Variants in TYW3 observed in about 807,000 individuals in gnomAD.
TYW3 encodes the protein tRNA-yW synthesizing protein 3 homolog.
TYW3 carries 26 observed loss-of-function variants against 23.1 expected under a neutral mutation model. The observed-to-expected ratio is 1.13, with a 90% CI of 0.83 to 1.56. TYW3 has a LOEUF of 1.56. TYW3 is among the 40% of genes most tolerant of loss of function. The pLI is 0.00. For synonymous variants in TYW3, 102 were observed against 105.7 expected (o/e 0.97, Z 0.21); for missense variants, 316 against 311.9 (o/e 1.01, Z -0.10).
intron 5 of TYW3, among the ~76,000 whole-genome samples, chr1:74,763,449 G>A (rs4650004): frequency 0.2 from 30,690 of 151,870 alleles, 4,330 homozygotes; most frequent in East Asian, 0.71. Flanking sequence ...TGACAAATAG[G>A]TATATGGATT....
chr1:74,752,178 T>C (rs1187768212), intron 4 of TYW3, 114 bp from the exon 5 acceptor site: 1 of 1,054,470 alleles, frequency 9.5e-7, no homozygotes, highest in African/African-American at 1.6e-5. Flanking sequence ...CTAACTTAAC[T>C]GTTGTAATGG....
chr1:74,737,060 TTTCCTAAGGTAAAGAGTTTAGATGAA>T (rs1310268059), intron 2 of TYW3, among the ~76,000 whole-genome samples: 4 of 152,240 alleles, frequency 2.6e-5, no homozygotes, highest in African/African-American at 7.2e-5. Flanking sequence ...GGTTATTTAG[TTTCCTAAGGTAAAGAGTTTAGATGAA>T]TTCATAAGTT....
chr1:74,752,549 C>T (rs1648822709), intron 5 of TYW3, 124 bp downstream of exon 5: 1 of 830,764 alleles, frequency 1.2e-6, no homozygotes, highest in Non-Finnish European at 1.7e-6. Context: ...TTTAAAAATA[C>T]TTTTATTATC....
At chr1:74,736,773 T>G (rs1488019702) in intron 2 of TYW3, 151 bp downstream of exon 2, 4 of 603,816 alleles carry the variant, frequency 6.6e-6, no homozygotes, top group Non-Finnish European at 8.3e-6. Flanking sequence ...ACAATGGCTC[T>G]TTTTGGGTTG....
At chr1:74,748,509 G>T (rs2345438) in intron 3 of TYW3, 164,843 of 429,714 alleles carry the variant, frequency 0.38, 37,132 homozygotes, top group Non-Finnish European at 0.48. Context: ...CACTGTTTGT[G>T]ATTGAATTCT....
chr1:74,756,566 G>T (rs1014372577), intron 5 of TYW3, among the ~76,000 whole-genome samples: 1 of 152,204 alleles, frequency 6.6e-6, no homozygotes, highest in African/African-American at 2.4e-5. Context: ...AAGCAGCAAA[G>T]CATTCAAGAG....
intron 3 of TYW3, among the ~76,000 whole-genome samples, chr1:74,739,184 A>G (rs1648263595): frequency 6.6e-6 from 1 of 152,048 alleles, no homozygotes; most frequent in East Asian, 1.9e-4. Flanking sequence ...TTTAGTCTTG[A>G]TTCTCCTTTT....
In TYW3 at chr1:74,735,497, T is replaced by G. The variant is rs1338985261; in HGVS notation, c.175-1045T>G. Among the ~76,000 whole-genome samples the G allele has an allele frequency of 2.0e-5, 3 of 152,348 alleles. No homozygotes were observed. In the East Asian group the frequency reaches 5.8e-4, roughly 29 times the overall value. On this transcript the variant is annotated intron_variant, in intron 1 of 5. Transcript: ENST00000370867. The stretch of plus-strand genomic sequence containing the variant: ...CTTATCTTACACCTCGTATTATGGT[T>G]TATTTTAAAATCTGCCTTATTTCAG...
At chr1:74,736,718 A>C in intron 2 of TYW3, 96 bp downstream of exon 2, 7 of 969,848 alleles carry the variant, frequency 7.2e-6, no homozygotes, top group Non-Finnish European at 1.1e-5. Context: ...ATTTATATGC[A>C]GAGTTATAAT....
At chr1:74,740,666 G>A (rs577067236) in intron 3 of TYW3, among the ~76,000 whole-genome samples, 87 of 152,186 alleles carry the variant, frequency 5.7e-4, no homozygotes, top group Non-Finnish European at 9.9e-4. Context: ...GCTAGACACA[G>A]AGCGCTGATT....
chr1:74,751,787 A>C (rs1046050833), intron 4 of TYW3, among the ~76,000 whole-genome samples: 9 of 152,162 alleles, frequency 5.9e-5, no homozygotes, highest in Non-Finnish European at 1.3e-4. Flanking sequence ...GAACATGTTG[A>C]CTATTTCATC....
chr1:74,748,094 T>C (rs930715282), intron 3 of TYW3, among the ~76,000 whole-genome samples: 2 of 152,086 alleles, frequency 1.3e-5, no homozygotes, highest in Admixed American at 6.6e-5. Flanking sequence ...ATCCCTGGCC[T>C]CTACCCACTA....
Position 74,752,443 on chromosome 1 carries a change from T to A in TYW3, c.560+18T>A. On this transcript the variant is annotated intron_variant, in intron 5 of 5. Coordinates refer to ENST00000370867, the MANE Select transcript of TYW3 (RefSeq NM_138467.3). ...ATTGAGAGGTATATTAATTGGGTAT[T>A]TCCATGTTATTCTTATATGCCTAGA... 2 of 1,607,746 alleles carry A rather than the reference T, an allele frequency of 1.2e-6. No homozygotes were observed. Among genetic ancestry groups the A allele is most frequent in the Non-Finnish European group, 1.7e-6 (2 of 1,176,314 alleles).
At chr1:74,761,605 T>G (rs1649138546) in intron 5 of TYW3, 1 of 152,146 alleles carries the variant, frequency 6.6e-6, no homozygotes, top group South Asian at 2.1e-4. Context: ...CACCATCTTG[T>G]GGCATGCTCA....
chr1:74,756,049 C>T (rs1224497005), intron 5 of TYW3, among the ~76,000 whole-genome samples: 1 of 152,202 alleles, frequency 6.6e-6, no homozygotes, highest in Non-Finnish European at 1.5e-5. Flanking sequence ...CCATGTGAGA[C>T]ATGCCTTTCA....
rs1649294372 is a variant in TYW3, at chr1:74,765,987, T to C, written c.*1874T>C. 6.6e-6 allele frequency: 1 copy of C among 152,048 alleles called. No individual in the cohort carries two copies. Among genetic ancestry groups the C allele is most frequent in the African/African-American group, 2.4e-5 (1 of 41,416 alleles). 9.4% of individuals were successfully genotyped at this position (152,048 alleles called of 1,614,324 possible). On this transcript the variant is annotated 3_prime_UTR_variant, in exon 6 of 6. Transcript: ENST00000370867. ...ACTCCTTAACATTCCTTAATATACA[T>C]TCATGAGCTACATAACATTTTAATC...
chr1:74,733,219 G>C lies in TYW3; in HGVS notation c.-26G>C, dbSNP rs370165791. ...GAGACGAGGCTACCATGAAGGAGCCGAGCGCAGACCCTGAGTCCGTCACCC... is the reference window on the plus strand; with the variant it reads ...GAGACGAGGCTACCATGAAGGAGCCCAGCGCAGACCCTGAGTCCGTCACCC... On this transcript the variant is annotated 5_prime_UTR_variant, in exon 1 of 6. Coordinates refer to ENST00000370867, the MANE Select transcript of TYW3 (RefSeq NM_138467.3). 6.2e-7 allele frequency: 1 copy of C among 1,611,212 alleles called. No individual in the cohort carries two copies. The highest frequency in any genetic ancestry group is 8.5e-7 in the Non-Finnish European group (1 of 1,178,554).
intron 4 of TYW3, among the ~76,000 whole-genome samples, chr1:74,749,762 C>G (rs373527632): frequency 1.4e-4 from 21 of 151,928 alleles, no homozygotes; most frequent in African/African-American, 4.8e-4. Context: ...GTCAAGAGAT[C>G]GAGACCATCC....
chr1:74,748,714 A>G, intron 3 of TYW3, 37 bp from the exon 4 acceptor site: 2 of 1,578,260 alleles, frequency 1.3e-6, no homozygotes, highest in East Asian at 4.5e-5. Flanking sequence ...CTGGTTACCC[A>G]CAGTATCAAA....
Sources: allele counts gnomAD v4.1 joint callset (sites outside exome capture counted in the v4.1 genomes callset), GRCh38; gene constraint gnomAD v4.1.1; transcripts MANE v1.5; gene names NCBI Gene and HGNC (gene_info 2026-07-23, HGNC 2026-07-21).